The following ANO4 variants were observed in gnomAD, a reference collection of about 807,000 sequenced individuals.
The protein encoded by ANO4 is anoctamin 4.
ANO4 carries 69 observed loss-of-function variants against 141.9 expected under a neutral mutation model. The ratio of observed to expected loss-of-function variants is 0.49; its 90% CI spans 0.40 to 0.59. The LOEUF (loss-of-function observed/expected upper bound fraction) is 0.59, where lower values mean the gene tolerates loss of function less well. ANO4 is among the 20% of genes least tolerant of loss of function. ANO4 has a pLI of 0.00. For synonymous variants in ANO4, 350 were observed against 394.3 expected, an observed-to-expected ratio of 0.89 and a Z score of 1.33; for missense variants, 894 against 1,162.2, an observed-to-expected ratio of 0.77 and a Z score of 3.36.
At chr12:100,857,746 A>T (rs2038255311) in intron 1 of ANO4, among the ~76,000 whole-genome samples, 1 of 152,168 alleles carries the variant, frequency 6.6e-6, no homozygotes, top group Admixed American at 6.6e-5. Context: ...AAAGAAAGAA[A>T]TTGGATTGCC....
chr12:100,909,648 C>T lies in ANO4; in HGVS notation c.55+7808C>T, dbSNP rs538144359. On this transcript the variant is annotated intron_variant, in intron 2 of 27. Coordinates refer to ENST00000392977, the MANE Select transcript of ANO4 (RefSeq NM_001286615.2). Reference sequence around the variant, plus strand: ...AAACACATATGGTCTACCAATTTGACTTTGAAGGTCAACTAGGATTTCAAC... The same window carrying T: ...AAACACATATGGTCTACCAATTTGATTTTGAAGGTCAACTAGGATTTCAAC... 1.1e-4 allele frequency among the ~76,000 whole-genome samples: 17 copies of T among 152,248 alleles called. No homozygotes were observed. In the East Asian group the frequency reaches 3.1e-3, roughly 28 times the overall value.
chr12:100,952,306 G>C (rs191551108), intron 5 of ANO4, among the ~76,000 whole-genome samples: 1 of 152,132 alleles, frequency 6.6e-6, no homozygotes, highest in East Asian at 1.9e-4. Flanking sequence ...TAGTTTCTTT[G>C]TTTGTTAAGT....
At chr12:100,974,085 T>A (rs1168029965) in intron 6 of ANO4, among the ~76,000 whole-genome samples, 1 of 152,300 alleles carries the variant, frequency 6.6e-6, no homozygotes, top group East Asian at 1.9e-4. Context: ...GAAAGTGAGG[T>A]TGCATTTTAA....
At chr12:100,746,488 AAAT>A (rs2032116877) in intron 3 of ANO4, among the ~76,000 whole-genome samples, 1 of 151,984 alleles carries the variant, frequency 6.6e-6, no homozygotes, top group Non-Finnish European at 1.5e-5. Flanking sequence ...AGAAACGATG[AAAT>A]AATAAGAAAA....
chr12:101,127,070 A>G lies in ANO4; in HGVS notation c.2868A>G (p.Ter956TrpextTer2). The change falls in exon 27 of 28, where the codon TGA (stop) becomes TGG (tryptophan). Residue 956 changes from the stop codon to tryptophan (W), a stop_lost. Transcript: ENST00000392977. ...AAGCACACCACAACGAGTGGCCGTGACCATGTAGGTGAGAGGTGTGCTCAG... is the reference window on the plus strand; with the variant it reads ...AAGCACACCACAACGAGTGGCCGTGGCCATGTAGGTGAGAGGTGTGCTCAG... Reference protein sequence around the residue: ...NGKAHHNEWP* With the variant: ...NGKAHHNEWPW The G allele has an allele frequency of 6.2e-7, 1 of 1,611,778 alleles. No homozygotes were observed. Among genetic ancestry groups the G allele is most frequent in the South Asian group, 1.1e-5 (1 of 90,756 alleles).
At chr12:100,978,154 G>A (rs1052531548) in intron 7 of ANO4, among the ~76,000 whole-genome samples, 2 of 152,218 alleles carry the variant, frequency 1.3e-5, no homozygotes, top group Non-Finnish European at 2.9e-5. Flanking sequence ...GTATTTGAAG[G>A]CAAGGATGAC....
At chr12:101,043,667 T>C (rs776956304) in intron 13 of ANO4, 32 bp downstream of exon 13, 20 of 1,494,634 alleles carry the variant, frequency 1.3e-5, no homozygotes, top group Admixed American at 5.0e-5. Flanking sequence ...TTAGATGAAT[T>C]GAATTTAACA....
intron 9 of ANO4, among the ~76,000 whole-genome samples, chr12:101,029,702 G>C (rs1363653007): frequency 6.6e-6 from 1 of 151,920 alleles, no homozygotes; most frequent in East Asian, 1.9e-4. Flanking sequence ...ACGAGGTCAG[G>C]AAATCAAGAC....
upstream of ANO4, among the ~76,000 whole-genome samples, chr12:100,793,973 T>G (rs759160054): frequency 2.6e-5 from 4 of 152,216 alleles, no homozygotes; most frequent in Non-Finnish European, 5.9e-5. Context: ...TGAATTGTTA[T>G]TATTGTTTAT....
At chr12:100,733,905 G>A (rs1165819128) in intron 2 of ANO4, 2 of 668,996 alleles carry the variant, frequency 3.0e-6, no homozygotes, top group Non-Finnish European at 5.5e-6. Context: ...ATTATTGCCT[G>A]GAAAAGCTGG....
chr12:100,777,967 T>C (rs2135571651), intron 3 of ANO4, among the ~76,000 whole-genome samples: 1 of 150,044 alleles, frequency 6.7e-6, no homozygotes, highest in Admixed American at 6.7e-5. Flanking sequence ...TCACCCAGGC[T>C]GGAGTGTAGT....
intron 1 of ANO4, among the ~76,000 whole-genome samples, chr12:100,897,470 T>C (rs975141139): frequency 2.6e-5 from 4 of 152,260 alleles, no homozygotes; most frequent in Non-Finnish European, 5.9e-5. Flanking sequence ...GTCTGCACCA[T>C]GTAGCGTGCC....
chr12:100,808,409 T>G (rs2035194067), intron 1 of ANO4, among the ~76,000 whole-genome samples: 1 of 152,220 alleles, frequency 6.6e-6, no homozygotes, highest in East Asian at 1.9e-4. Flanking sequence ...GGTGTTTTAC[T>G]TGTAATTTGT....
At chr12:100,720,231 G>A (rs899462048) in intron 1 of ANO4, among the ~76,000 whole-genome samples, 11 of 152,036 alleles carry the variant, frequency 7.2e-5, no homozygotes, top group Admixed American at 2.6e-4. Flanking sequence ...CACAGACCTG[G>A]CCTGGACCTG....
intron 3 of ANO4, among the ~76,000 whole-genome samples, chr12:100,925,137 G>T (rs1025574228): frequency 2.0e-5 from 3 of 152,042 alleles, no homozygotes; most frequent in African/African-American, 7.2e-5. Context: ...GCCCACACAG[G>T]CTGGGTCATT....
chr12:101,004,049 C>T (rs2045766924), intron 8 of ANO4, among the ~76,000 whole-genome samples: 1 of 151,862 alleles, frequency 6.6e-6, no homozygotes, highest in South Asian at 2.1e-4. Context: ...AAGGAGGTCT[C>T]CTCTCCAAAG....
At chr12:101,119,076 C>T (rs1277435999) in intron 25 of ANO4, among the ~76,000 whole-genome samples, 1 of 152,014 alleles carries the variant, frequency 6.6e-6, no homozygotes, top group Non-Finnish European at 1.5e-5. Context: ...CATAGTATTC[C>T]ATGGTGTATC....
At chr12:100,919,018 A>T (rs1016780793) in intron 2 of ANO4, among the ~76,000 whole-genome samples, 17 of 152,164 alleles carry the variant, frequency 1.1e-4, no homozygotes, top group Non-Finnish European at 1.6e-4. Context: ...AAAAAGTTTT[A>T]AAAAAGTTTT....
chr12:101,079,376 G>C, intron 15 of ANO4, 101 bp downstream of exon 15: 2 of 977,134 alleles, frequency 2.0e-6, no homozygotes, highest in Non-Finnish European at 3.2e-6. Context: ...CGGAAGTCAG[G>C]TGTACTCATA....
Sources: allele counts gnomAD v4.1 joint callset (sites outside exome capture counted in the v4.1 genomes callset), GRCh38; gene constraint gnomAD v4.1.1; transcripts MANE v1.5; gene names NCBI Gene and HGNC (gene_info 2026-07-23, HGNC 2026-07-21).